GLO1: variants seen among roughly 807,000 people sequenced by gnomAD.
GLO1 encodes glyoxalase I, also known as lactoylglutathione lyase.
In GLO1, 28 loss-of-function variants were observed where a neutral mutation model predicts 26.0. The ratio of observed to expected loss-of-function variants is 1.08; its 90% CI spans 0.80 to 1.48. The LOEUF (loss-of-function observed/expected upper bound fraction) is 1.48. Ranked by LOEUF, GLO1 falls within the 40% of genes most tolerant of loss-of-function variation. The pLI is 0.00. For missense variants in GLO1, 225 were observed against 224.8 expected, an observed-to-expected ratio of 1.00 and a Z score of -0.01; for synonymous variants, 78 against 77.6, an observed-to-expected ratio of 1.00 and a Z score of -0.03.
rs1455603348 is a variant in GLO1, at chr6:38,676,463, C to T, written c.*832G>A. On this transcript the variant is annotated 3_prime_UTR_variant, in exon 6 of 6. Transcript: ENST00000373365. ...TGGTCAAACTCACTGAAGGTTTTTACAACAGGAAACCAGTGGAGGTATTGT... is the reference window on the plus strand; with the variant it reads ...TGGTCAAACTCACTGAAGGTTTTTATAACAGGAAACCAGTGGAGGTATTGT... 1 of 152,180 alleles carries T rather than the reference C, an allele frequency of 6.6e-6. No individual in the cohort carries two copies. Among genetic ancestry groups the T allele is most frequent in the Non-Finnish European group, 1.5e-5 (1 of 68,042 alleles). 9.4% of individuals were successfully genotyped at this position (152,180 alleles called of 1,614,324 possible). A position where few individuals can be genotyped will look rare whatever the true frequency, so the allele number is the denominator to read the frequency against.
chr6:38,701,758 C>G (rs1483224307), intron 1 of GLO1, among the ~76,000 whole-genome samples: 1 of 152,058 alleles, frequency 6.6e-6, no homozygotes, highest in Non-Finnish European at 1.5e-5. Context: ...AGGTAAAGAA[C>G]AAGCAGGGAC....
chr6:38,689,528 G>A (rs1761503896), intron 1 of GLO1, among the ~76,000 whole-genome samples: 1 of 152,082 alleles, frequency 6.6e-6, no homozygotes, highest in Admixed American at 6.5e-5. Context: ...TGTATTTTTT[G>A]TTGTAGATGC....
chr6:38,695,374 C>T (rs1445181923), intron 1 of GLO1, among the ~76,000 whole-genome samples: 2 of 151,768 alleles, frequency 1.3e-5, no homozygotes, highest in African/African-American at 2.4e-5. Flanking sequence ...TATACATATA[C>T]CCATGTATAT....
At chr6:38,677,829 T>C (rs530693395) in intron 5 of GLO1, among the ~76,000 whole-genome samples, 1 of 152,318 alleles carries the variant, frequency 6.6e-6, no homozygotes, top group East Asian at 1.9e-4. Context: ...AAAGTCATAC[T>C]TTTCATAATG....
At position 38,676,097 on chromosome 6, in the gene GLO1, C is replaced by A. The variant is rs1297172040; in HGVS notation, c.*1198G>T. On this transcript the variant is annotated 3_prime_UTR_variant, in exon 6 of 6. Coordinates refer to ENST00000373365, the MANE Select transcript of GLO1 (RefSeq NM_006708.3). ...CTTTCCAAAGGTCTTCCACTAGAGTCTAGAGAAATCTAAATATAGTCATCC... is the reference window on the plus strand; with the variant it reads ...CTTTCCAAAGGTCTTCCACTAGAGTATAGAGAAATCTAAATATAGTCATCC... 1 of 152,118 alleles carries A rather than the reference C, an allele frequency of 6.6e-6. No homozygotes were observed. The highest frequency in any genetic ancestry group is 1.9e-4 in the East Asian group (1 of 5,194). The allele number at this position is 152,118 out of a possible 1,614,324, so 9.4% of individuals were successfully genotyped here. A position where few individuals can be genotyped will look rare whatever the true frequency, so the allele number is the denominator to read the frequency against.
rs746414991 is a variant in GLO1, at chr6:38,702,928, C to T, written c.84+43G>A. 1.8e-5 allele frequency: 21 copies of T among 1,148,852 alleles called. 1 individual carries two copies. The highest frequency in any genetic ancestry group is 2.1e-4 in the Middle Eastern group (1 of 4,828). 71.2% of individuals were successfully genotyped at this position (1,148,852 alleles called of 1,614,324 possible). On this transcript the variant is annotated intron_variant, in intron 1 of 5. Transcript: ENST00000373365. ...GGATAGAATGCGGCCCGGTCCCGGC[C>T]CAGCGGAGCTGGGGGAGCCGTTCCC...
At chr6:38,681,881 T>C in intron 5 of GLO1, 131 bp downstream of exon 5, 1 of 623,374 alleles carries the variant, frequency 1.6e-6, no homozygotes, top group Non-Finnish European at 2.9e-6. Context: ...TTTCTCTTTT[T>C]TAAAACTCTG....
intron 1 of GLO1, among the ~76,000 whole-genome samples, chr6:38,692,316 T>C (rs1350249058): frequency 1.3e-5 from 2 of 152,208 alleles, no homozygotes; most frequent in African/African-American, 4.8e-5. Flanking sequence ...TGGTAATGTA[T>C]TTTTTAATTT....
In GLO1 at chr6:38,683,929, G is replaced by A. The variant is rs1761425713; in HGVS notation, c.308+445C>T. ...ATAAATAAAAATAAAAGACAAATGGGCCAGGCGTGGTGGCTCATGCTTATA... is the reference window on the plus strand; with the variant it reads ...ATAAATAAAAATAAAAGACAAATGGACCAGGCGTGGTGGCTCATGCTTATA... On this transcript the variant is annotated intron_variant, in intron 3 of 5. Transcript: ENST00000373365. Among the ~76,000 whole-genome samples, 3 of 152,114 alleles carry A rather than the reference G, an allele frequency of 2.0e-5. No individual in the cohort carries two copies. In the South Asian group the frequency reaches 6.2e-4, roughly 32 times the overall value.
intron 1 of GLO1, among the ~76,000 whole-genome samples, chr6:38,696,165 G>A (rs1761608246): frequency 6.6e-6 from 1 of 151,306 alleles, no homozygotes; most frequent in Admixed American, 6.6e-5. Context: ...GAGTGTATTT[G>A]GTTACAATAT....
intron 2 of GLO1, among the ~76,000 whole-genome samples, chr6:38,685,279 C>G (rs924711626): frequency 6.6e-6 from 1 of 152,110 alleles, no homozygotes; most frequent in Admixed American, 6.5e-5. Context: ...AGAAGACTTA[C>G]GCTTCTCTGA....
chr6:38,692,942 G>A (rs925978228), intron 1 of GLO1, among the ~76,000 whole-genome samples: 1 of 150,492 alleles, frequency 6.6e-6, no homozygotes, highest in Admixed American at 6.6e-5. Context: ...CTAACATTTT[G>A]TCAAGGGTTT....
In GLO1 at chr6:38,693,685, C is replaced by CTCTCTCTCTCTATATATA. The variant is rs869232489; in HGVS notation, c.85-6712_85-6711insTATATATAGAGAGAGAGA. On this transcript the variant is annotated intron_variant, in intron 1 of 5. Transcript: ENST00000373365. Reference sequence around the variant, plus strand: ...TCTCTCTCTCTCTCTCTCTCTCTCTCTATATATATATATATATATATTTGT... The same window carrying CTCTCTCTCTCTATATATA: ...TCTCTCTCTCTCTCTCTCTCTCTCTCTCTCTCTCTCTATATATATATATATATATATATATATATTTGT... Among the ~76,000 whole-genome samples the CTCTCTCTCTCTATATATA allele has an allele frequency of 5.2e-3, 445 of 86,212 alleles. 1 individual carries two copies. Among genetic ancestry groups the CTCTCTCTCTCTATATATA allele is most frequent in the East Asian group, 8.6e-3 (29 of 3,380 alleles). 56.6% of individuals were successfully genotyped at this position (86,212 alleles called of 152,430 possible). A position where few individuals can be genotyped will look rare whatever the true frequency, so the allele number is the denominator to read the frequency against.
At chr6:38,694,509 T>C (rs1761580379) in intron 1 of GLO1, among the ~76,000 whole-genome samples, 1 of 152,180 alleles carries the variant, frequency 6.6e-6, no homozygotes, top group East Asian at 1.9e-4. Context: ...TGAGACCCCA[T>C]TTCTACAAAA....
intron 2 of GLO1, among the ~76,000 whole-genome samples, chr6:38,685,144 AT>A (rs1761443814): frequency 6.6e-6 from 1 of 152,226 alleles, no homozygotes; most frequent in Non-Finnish European, 1.5e-5. Context: ...GTGGGGAAGC[AT>A]CAGCTGGATT....
At chr6:38,697,330 A>C (rs1236010084) in intron 1 of GLO1, among the ~76,000 whole-genome samples, 1 of 152,248 alleles carries the variant, frequency 6.6e-6, no homozygotes, top group Non-Finnish European at 1.5e-5. Flanking sequence ...ACAGATTGCC[A>C]ACAAAGAAGT....
intron 1 of GLO1, among the ~76,000 whole-genome samples, chr6:38,695,765 T>C (rs1446562959): frequency 6.6e-6 from 1 of 152,132 alleles, no homozygotes; most frequent in Non-Finnish European, 1.5e-5. Context: ...GTAGAGCAGT[T>C]ATTGTCTAAA....
In GLO1 at chr6:38,684,486, T is replaced by C. The variant is rs1459882673; in HGVS notation, c.196A>G (p.Met66Val). The change falls in exon 3 of 6, where the codon ATG (methionine) becomes GTG (valine). Residue 66 changes from methionine to valine, a missense_variant. By Grantham distance (21) the Met-to-Val change is conservative. Transcript: ENST00000373365. ...GCCAAGAAGTAGAGTGAAAACTTCATAATGGGAAAATCACATTTTTGGATT... is the reference window on the plus strand; with the variant it reads ...GCCAAGAAGTAGAGTGAAAACTTCACAATGGGAAAATCACATTTTTGGATT... The part of the protein sequence containing the change: ...TLIQKCDFPI[M>V]KFSLYFLAYE... 3.2e-6 allele frequency: 5 copies of C among 1,557,720 alleles called. No individual in the cohort carries two copies. The highest frequency in any genetic ancestry group is 3.5e-6 in the Non-Finnish European group (4 of 1,154,448).
intron 4 of GLO1, among the ~76,000 whole-genome samples, chr6:38,682,543 T>TA (rs1761397156): frequency 1.3e-5 from 2 of 151,126 alleles, no homozygotes; most frequent in African/African-American, 4.9e-5. Context: ...TACAGCTTTT[T>TA]TAAAAAAAAA....
Sources: gnomAD v4.1 joint callset for allele counts (sites outside exome capture counted in the v4.1 genomes callset) on GRCh38, gnomAD v4.1.1 for gene constraint, MANE v1.5 for transcripts, NCBI Gene and HGNC (gene_info 2026-07-23, HGNC 2026-07-21) for gene names.